Variants in PCNX1 observed in about 807,000 individuals in gnomAD.
PCNX1 encodes pecanex-like protein 1.
A neutral mutation model predicts 242.2 loss-of-function variants in PCNX1; 78 were observed. The ratio of observed to expected loss-of-function variants is 0.32; its 90% CI spans 0.27 to 0.39. The LOEUF is 0.39. Ranked by LOEUF, PCNX1 falls within the 10% of genes least tolerant of loss-of-function variation. The pLI is 1.00. For missense variants in PCNX1, 2,581 were observed against 2,856.5 expected (o/e 0.90, Z 2.20); for synonymous variants, 1,024 against 1,032.9 (o/e 0.99, Z 0.17).
chr14:70,979,419 C>G lies in PCNX1; in HGVS notation c.2311+771C>G, dbSNP rs573574491. On this transcript the variant is annotated intron_variant, in intron 6 of 35. Coordinates refer to ENST00000304743, the MANE Select transcript of PCNX1 (RefSeq NM_014982.3). ...ATATTCTGTCAGTGTGTGTTGGCCT[C>G]TTTATTTCAGAGTTATTTCTTGCTG... 4.9e-3 allele frequency among the ~76,000 whole-genome samples: 748 copies of G among 151,972 alleles called. 6 individuals carry two copies. Among genetic ancestry groups the G allele is most frequent in the African/African-American group, 0.017 (711 of 41,488 alleles).
chr14:71,024,895 A>G (rs1282506654), intron 13 of PCNX1, among the ~76,000 whole-genome samples: 1 of 152,200 alleles, frequency 6.6e-6, no homozygotes, highest in Non-Finnish European at 1.5e-5. Context: ...TTTCTTAAGA[A>G]CCATTACTCT....
chr14:70,923,020 A>G (rs2056439092), intron 1 of PCNX1, among the ~76,000 whole-genome samples: 1 of 152,196 alleles, frequency 6.6e-6, no homozygotes, highest in Non-Finnish European at 1.5e-5. Context: ...TCAATGTGAT[A>G]GTGTAAAATG....
At position 70,978,193 on chromosome 14, in the gene PCNX1, A is replaced by G. The variant is rs1213621245; in HGVS notation, c.1856A>G (p.Gln619Arg). ...GCATCAAGTGTTCAGTCTGCTCACC[A>G]GTTCAGCAGTGATAGCTCTTCTAGC... ...SRASSVQSAHQFSSDSSSSTT... is the reference protein window; with the variant it reads ...SRASSVQSAHRFSSDSSSSTT... Residue 619 changes from glutamine (Q) to arginine (R), a missense_variant, in exon 6 of 36, where the codon CAG becomes CGG. Physicochemically the swap from Gln to Arg is conservative, Grantham distance 43 (BLOSUM62 1). Transcript: ENST00000304743. The G allele has an allele frequency of 2.5e-6, 4 of 1,614,032 alleles. No individual in the cohort carries two copies. The highest frequency in any genetic ancestry group is 1.3e-5 in the African/African-American group (1 of 74,926).
intron 16 of PCNX1, among the ~76,000 whole-genome samples, chr14:71,030,343 T>G (rs1181725676): frequency 6.6e-6 from 1 of 151,874 alleles, no homozygotes; most frequent in Non-Finnish European, 1.5e-5. Flanking sequence ...CTTTCTTTCT[T>G]TTTTTTTAGA....
chr14:71,047,101 A>G lies in PCNX1; in HGVS notation c.4156A>G (p.Thr1386Ala), dbSNP rs2060882239. The change falls in exon 21 of 36, where the codon ACA becomes GCA. Residue 1386 changes from threonine to alanine, a missense_variant. By Grantham distance (58) the Thr-to-Ala change is moderately conservative. Coordinates refer to ENST00000304743, the MANE Select transcript of PCNX1 (RefSeq NM_014982.3). ...AATTGCTAGTCCAAAGAAACTGAAT[A>G]CAGAGTAAGTATAGTAGTCTTCTAA... Reference protein sequence around the residue: ...ETIASPKKLNTELGALMITVA... With the variant: ...ETIASPKKLNAELGALMITVA... 1 of 1,597,322 alleles carries G rather than the reference A, an allele frequency of 6.3e-7. No homozygotes were observed. Among genetic ancestry groups the G allele is most frequent in the South Asian group, 1.1e-5 (1 of 89,620 alleles).
At chr14:71,055,205 CATTTTT>C (rs2061148295) in intron 24 of PCNX1, among the ~76,000 whole-genome samples, 1 of 152,084 alleles carries the variant, frequency 6.6e-6, no homozygotes. Context: ...ATACAGTATA[CATTTTT>C]TTCATCCTGG....
intron 1 of PCNX1, among the ~76,000 whole-genome samples, chr14:70,918,750 G>A (rs1358722526): frequency 6.6e-6 from 1 of 152,188 alleles, no homozygotes; most frequent in Non-Finnish European, 1.5e-5. Flanking sequence ...GGACTAGGTA[G>A]TGCTAATTTA....
In PCNX1 at chr14:70,944,413, AG is replaced by A. The variant is rs147737582; in HGVS notation, c.154-2501del. 8.8e-3 allele frequency among the ~76,000 whole-genome samples: 1,339 copies of A among 152,314 alleles called. 9 individuals carry two copies. The highest frequency in any genetic ancestry group is 0.017 in the South Asian group (82 of 4,828). ...GATTTTGGACTTGCATGGGGCCTGT[AG>A]TCCCTTTGTTTTGGCCAATTTCTCC... On this transcript the variant is annotated intron_variant, in intron 1 of 35. Coordinates refer to ENST00000304743, the MANE Select transcript of PCNX1 (RefSeq NM_014982.3).
At chr14:71,021,100 G>C (rs1277897347) in intron 12 of PCNX1, among the ~76,000 whole-genome samples, 2 of 152,122 alleles carry the variant, frequency 1.3e-5, no homozygotes, top group African/African-American at 2.4e-5. Context: ...TGAGGCCTCT[G>C]TTCTGTTCCA....
At chr14:71,108,121 C>T (rs1029522513) in intron 33 of PCNX1, among the ~76,000 whole-genome samples, 3 of 152,234 alleles carry the variant, frequency 2.0e-5, no homozygotes, top group Non-Finnish European at 2.9e-5. Flanking sequence ...CCCTGGCAAC[C>T]ACCATTCTAC....
chr14:71,017,100 G>A (rs758533053), intron 11 of PCNX1, among the ~76,000 whole-genome samples: 1 of 152,270 alleles, frequency 6.6e-6, no homozygotes, highest in South Asian at 2.1e-4. Context: ...AATGATATGA[G>A]CAGCTATATG....
Position 71,051,876 on chromosome 14 carries a change from C to T in PCNX1, c.4448-7C>T. 6.2e-7 allele frequency: 1 copy of T among 1,610,284 alleles called. No individual in the cohort carries two copies. On this transcript the variant is annotated splice_region_variant and splice_polypyrimidine_tract_variant and intron_variant, in intron 23 of 35. Coordinates refer to ENST00000304743, the MANE Select transcript of PCNX1 (RefSeq NM_014982.3). ...AATGTCAGTGTCCTTAACTAGTTTT[C>T]CCATAGATTCAGCCATGCTGTTTAT...
intron 3 of PCNX1, among the ~76,000 whole-genome samples, chr14:70,962,612 A>G (rs186169171): frequency 7.2e-5 from 11 of 152,328 alleles, no homozygotes; most frequent in African/African-American, 2.2e-4. Context: ...AGCTTGCGCT[A>G]TCTTCACATC....
chr14:71,052,217 CTTT>C (rs780497297), intron 24 of PCNX1, among the ~76,000 whole-genome samples: 3 of 142,572 alleles, frequency 2.1e-5, no homozygotes, highest in Non-Finnish European at 1.5e-5. Context: ...TCTTTCTTTC[CTTT>C]TTTTTTTTTC....
rs1431692013 is a variant in PCNX1, at chr14:71,110,490, C to T, written c.*555C>T. ...CTAAAAACTTTAATAAAAAAAACTG[C>T]ACTAATTTTTTACAGCAATGCACTA... On this transcript the variant is annotated 3_prime_UTR_variant, in exon 36 of 36. Coordinates refer to ENST00000304743, the MANE Select transcript of PCNX1 (RefSeq NM_014982.3). The T allele has an allele frequency of 6.5e-6, 1 of 153,010 alleles. No homozygotes were observed. Among genetic ancestry groups the T allele is most frequent in the African/African-American group, 2.4e-5 (1 of 41,424 alleles). The allele number at this position is 153,010 out of a possible 1,614,324, so 9.5% of individuals were successfully genotyped here. A position where few individuals can be genotyped will look rare whatever the true frequency, so the allele number is the denominator to read the frequency against.
chr14:70,959,417 C>T (rs567313265), intron 2 of PCNX1, among the ~76,000 whole-genome samples: 1 of 129,858 alleles, frequency 7.7e-6, no homozygotes, highest in African/African-American at 2.9e-5. Flanking sequence ...GTGTGATGTT[C>T]TCTTTCCTGT....
intron 1 of PCNX1, among the ~76,000 whole-genome samples, chr14:70,937,309 T>C (rs898879351): frequency 2.0e-5 from 3 of 152,230 alleles, no homozygotes; most frequent in Admixed American, 2.0e-4. Flanking sequence ...TTAATTTTTG[T>C]ATAAGGTATA....
intron 8 of PCNX1, among the ~76,000 whole-genome samples, chr14:70,998,750 C>CAAAAA (rs34044438): frequency 4.5e-5 from 4 of 89,084 alleles, no homozygotes; most frequent in African/African-American, 8.0e-5. Flanking sequence ...GACCCTATCT[C>CAAAAA]AAAAAAAAAA....
Position 70,927,182 on chromosome 14 carries a change from C to T in PCNX1, c.153+19179C>T, listed in dbSNP as rs373932764. On this transcript the variant is annotated intron_variant, in intron 1 of 35. Coordinates refer to ENST00000304743, the MANE Select transcript of PCNX1 (RefSeq NM_014982.3). ...AGAGAGAAAGGATCATGTTTATTTC[C>T]GTATTAACATTCCTTAGTAGAATAT... Among the ~76,000 whole-genome samples the T allele has an allele frequency of 3.2e-4, 49 of 152,212 alleles. No individual in the cohort carries two copies. The South Asian group carries it at 9.8e-3, about 30-fold the overall frequency.
Sources: allele counts gnomAD v4.1 joint callset (sites outside exome capture counted in the v4.1 genomes callset), GRCh38; gene constraint gnomAD v4.1.1; transcripts MANE v1.5; gene names NCBI Gene and HGNC (gene_info 2026-07-23, HGNC 2026-07-21).